TRAPPC9: variants seen among roughly 807,000 people sequenced by gnomAD.
The protein encoded by TRAPPC9 is IKK2 binding protein.
In TRAPPC9, 83 loss-of-function variants were observed where a neutral mutation model predicts 124.0. The observed-to-expected ratio is 0.67, with a 90% CI of 0.56 to 0.80. The LOEUF (loss-of-function observed/expected upper bound fraction) is 0.80, where lower values mean the gene tolerates loss of function less well. Ranked by LOEUF, TRAPPC9 falls within the 30% of genes least tolerant of loss-of-function variation. TRAPPC9 has a pLI of 0.00. For missense variants in TRAPPC9, 1,302 were observed against 1,508.3 expected, an observed-to-expected ratio of 0.86 and a Z score of 2.27; for synonymous variants, 638 against 617.5, an observed-to-expected ratio of 1.03 and a Z score of -0.49.
intron 8 of TRAPPC9, among the ~76,000 whole-genome samples, chr8:140,369,823 G>A (rs550684064): frequency 1.3e-5 from 2 of 152,018 alleles, no homozygotes; most frequent in African/African-American, 2.4e-5. Context: ...GTGGTAGCAC[G>A]TGCCTGTAAT....
At chr8:140,263,360 A>T (rs1392002068) in intron 15 of TRAPPC9, among the ~76,000 whole-genome samples, 2 of 152,128 alleles carry the variant, frequency 1.3e-5, no homozygotes, top group East Asian at 3.9e-4. Context: ...AAGGCACAAC[A>T]CCTGAAGCAC....
At chr8:140,019,271 A>T (rs1001782998) in intron 18 of TRAPPC9, among the ~76,000 whole-genome samples, 2 of 152,108 alleles carry the variant, frequency 1.3e-5, no homozygotes, top group Non-Finnish European at 2.9e-5. Context: ...TTCTTTTCTC[A>T]TAATGTCTCT....
At chr8:140,099,636 T>TC (rs2060535196) in intron 17 of TRAPPC9, 1 of 145,208 alleles carries the variant, frequency 6.9e-6, no homozygotes, top group South Asian at 2.2e-4. Flanking sequence ...CCCGCCCGGG[T>TC]CCCCCACAGC....
At chr8:139,919,900 C>T (rs776612670) in intron 19 of TRAPPC9, among the ~76,000 whole-genome samples, 39 of 152,254 alleles carry the variant, frequency 2.6e-4, no homozygotes, top group Non-Finnish European at 5.0e-4. Flanking sequence ...CCAGGCGCGG[C>T]ATGGCACTGC....
rs1368627967 is a variant in TRAPPC9, at chr8:139,729,146, C to A, written c.*1915G>T. Among the ~76,000 whole-genome samples the A allele has an allele frequency of 2.0e-5, 3 of 152,336 alleles. No homozygotes were observed. The highest frequency in any genetic ancestry group is 4.4e-5 in the Non-Finnish European group (3 of 68,042). On this transcript the variant is annotated 3_prime_UTR_variant, in exon 23 of 23. Transcript: ENST00000438773. ...CTGACATCAGATGTCAAATGCAACTCCAGTTCAGGTCACTCTTCTACAGGG... is the reference window on the plus strand; with the variant it reads ...CTGACATCAGATGTCAAATGCAACTACAGTTCAGGTCACTCTTCTACAGGG...
chr8:140,349,463 G>T (rs2067474589), intron 9 of TRAPPC9, among the ~76,000 whole-genome samples: 1 of 151,374 alleles, frequency 6.6e-6, no homozygotes, highest in Non-Finnish European at 1.5e-5. Context: ...CACACAGGGG[G>T]GCCGAAGGGG....
chr8:140,388,405 C>A (rs192545092), intron 7 of TRAPPC9, among the ~76,000 whole-genome samples: 2 of 151,730 alleles, frequency 1.3e-5, no homozygotes, highest in African/African-American at 4.8e-5. Context: ...TGAAGGGGGC[C>A]GAGTGCGGTG....
intron 6 of TRAPPC9, among the ~76,000 whole-genome samples, chr8:140,398,576 C>T (rs927910693): frequency 6.6e-6 from 1 of 151,946 alleles, no homozygotes; most frequent in African/African-American, 2.4e-5. Context: ...GGCATTTTGC[C>T]CCTGCCCTGG....
chr8:139,994,828 G>A (rs1311145395), intron 18 of TRAPPC9, among the ~76,000 whole-genome samples: 1 of 152,010 alleles, frequency 6.6e-6, no homozygotes, highest in Non-Finnish European at 1.5e-5. Flanking sequence ...AAAATCGTAA[G>A]GCACAGTGTG....
At chr8:139,842,673 AG>A (rs1004957886) in intron 21 of TRAPPC9, among the ~76,000 whole-genome samples, 9 of 25,868 alleles carry the variant, frequency 3.5e-4, no homozygotes, top group Non-Finnish European at 7.8e-4. Context: ...GGGGGTGGGG[AG>A]GGGGCGGGCC....
At chr8:140,457,748 G>A (rs7002400), upstream of TRAPPC9, 79,118 of 993,510 alleles carry the variant, frequency 0.08, 3,882 homozygotes, top group African/African-American at 0.12. Context: ...TCCTACTGGC[G>A]GCCGAGCCGG....
intron 21 of TRAPPC9, among the ~76,000 whole-genome samples, chr8:139,801,602 G>A (rs1010408694): frequency 1.5e-4 from 23 of 152,212 alleles, no homozygotes; most frequent in African/African-American, 5.5e-4. Flanking sequence ...GTGCTGGGAT[G>A]CGAAAGTGGG....
chr8:139,910,113 C>T (rs781179762), intron 20 of TRAPPC9, 34 bp downstream of exon 20: 5 of 1,611,790 alleles, frequency 3.1e-6, no homozygotes, highest in Non-Finnish European at 4.2e-6. Flanking sequence ...GGCAAAGGTG[C>T]CCCCAGGCCC....
intron 5 of TRAPPC9, among the ~76,000 whole-genome samples, chr8:140,421,681 G>A (rs1278689611): frequency 6.6e-6 from 1 of 152,054 alleles, no homozygotes. Context: ...AAAAAAGGAA[G>A]ACAACGACCG....
intron 17 of TRAPPC9, among the ~76,000 whole-genome samples, chr8:140,161,708 C>T (rs187455010): frequency 2.4e-4 from 36 of 152,098 alleles, no homozygotes; most frequent in African/African-American, 8.4e-4. Flanking sequence ...TTAGGGATGC[C>T]CGATCTGCAC....
At chr8:140,332,917 G>A (rs571631068) in intron 9 of TRAPPC9, among the ~76,000 whole-genome samples, 3 of 152,254 alleles carry the variant, frequency 2.0e-5, no homozygotes, top group Admixed American at 6.5e-5. Flanking sequence ...GGAGGATCAC[G>A]AGTTCAAGAC....
chr8:140,293,687 G>A (rs1272632408), intron 11 of TRAPPC9, among the ~76,000 whole-genome samples: 1 of 151,854 alleles, frequency 6.6e-6, no homozygotes, highest in Admixed American at 6.6e-5. Context: ...GACACAGGAA[G>A]GGGAACATCA....
intron 9 of TRAPPC9, among the ~76,000 whole-genome samples, chr8:140,344,233 C>G (rs12550246): frequency 0.12 from 18,698 of 152,148 alleles, 1,230 homozygotes; most frequent in South Asian, 0.2. Context: ...CTGCTGGCAC[C>G]CTGGTCTTGA....
chr8:140,299,058 A>C (rs377327729), intron 11 of TRAPPC9, among the ~76,000 whole-genome samples: 1 of 152,208 alleles, frequency 6.6e-6, no homozygotes, highest in Admixed American at 6.5e-5. Flanking sequence ...AGGCGCTGGG[A>C]TCAGAGAACA....
Sources: gnomAD v4.1 joint callset for allele counts (sites outside exome capture counted in the v4.1 genomes callset) on GRCh38, gnomAD v4.1.1 for gene constraint, MANE v1.5 for transcripts, NCBI Gene and HGNC (gene_info 2026-07-23, HGNC 2026-07-21) for gene names.